ATRX: variants seen among roughly 807,000 people sequenced by gnomAD.
The protein encoded by ATRX is chromatin remodeler ATRX.
Under a neutral mutation model 172.6 loss-of-function variants are expected in ATRX, and 12 were observed. The observed-to-expected ratio is 0.07, with a 90% CI of 0.04 to 0.11. The LOEUF (loss-of-function observed/expected upper bound fraction) is 0.11, where lower values mean the gene tolerates loss of function less well. Among genes scored for constraint, ATRX ranks in the 10% least tolerant of loss-of-function variants. The pLI is 1.00. For missense variants in ATRX, 1,368 were observed against 1,767.4 expected, an observed-to-expected ratio of 0.77 and a Z score of 4.05; for synonymous variants, 674 against 594.7, an observed-to-expected ratio of 1.13 and a Z score of -1.94.
chrX:77,729,437 C>G (rs2074204167), intron 1 of ATRX, among the ~76,000 whole-genome samples: 1 of 112,071 alleles, frequency 8.9e-6, no homozygotes, highest in Non-Finnish European at 1.9e-5. Context: ...ACATAATACA[C>G]TCATTGCTTT....
chrX:77,698,869 A>G lies in ATRX; in HGVS notation c.134-240T>C, dbSNP rs1033185039. 1.9e-5 allele frequency: 8 copies of G among 417,662 alleles called. No individual in the cohort carries two copies. In the Admixed American group the frequency reaches 2.5e-4, roughly 13 times the overall value. 34.4% of individuals were successfully genotyped at this position (417,662 alleles called of 1,213,427 possible). A position where few individuals can be genotyped will look rare whatever the true frequency, so the allele number is the denominator to read the frequency against. ...GTAAAGATTACTTTGGTATAAAAAC[A>G]TTTCCTGTTGTAGTTTATAAATATT... On this transcript the variant is annotated intron_variant, in intron 2 of 34. Transcript: ENST00000373344.
At chrX:77,620,840 C>A (rs996939588) in intron 19 of ATRX, among the ~76,000 whole-genome samples, 1 of 111,515 alleles carries the variant, frequency 9.0e-6, no homozygotes, top group East Asian at 2.8e-4. Context: ...ACAGACATAG[C>A]CTATTTTTAA....
intron 30 of ATRX, among the ~76,000 whole-genome samples, chrX:77,547,447 CCTT>C (rs1435103494): frequency 9.0e-6 from 1 of 111,238 alleles, no homozygotes; most frequent in Non-Finnish European, 1.9e-5. Flanking sequence ...GTAAATGGCT[CCTT>C]AATAGTTTTT....
intron 30 of ATRX, among the ~76,000 whole-genome samples, chrX:77,531,428 C>T (rs1259876735): frequency 8.9e-6 from 1 of 111,947 alleles, no homozygotes; most frequent in African/African-American, 3.2e-5. Flanking sequence ...AAAGCTTATC[C>T]ACCATGATCA....
intron 9 of ATRX, among the ~76,000 whole-genome samples, chrX:77,677,533 C>T (rs1402974564): frequency 1.8e-5 from 2 of 111,354 alleles, no homozygotes; most frequent in African/African-American, 6.5e-5. Flanking sequence ...TACTTATACA[C>T]ACACAAATGA....
chrX:77,680,165 G>C (rs1557135995), intron 9 of ATRX, among the ~76,000 whole-genome samples: 1 of 111,520 alleles, frequency 9.0e-6, no homozygotes, highest in South Asian at 3.7e-4. Context: ...AAAATATATA[G>C]TAACTTCTCT....
chrX:77,630,933 TA>T (rs1557105356), intron 19 of ATRX, among the ~76,000 whole-genome samples: 1 of 111,533 alleles, frequency 9.0e-6, no homozygotes, highest in African/African-American at 3.3e-5. Flanking sequence ...TATAAAAAAG[TA>T]AAAAGACAAC....
intron 26 of ATRX, among the ~76,000 whole-genome samples, chrX:77,591,553 C>T (rs1038963239): frequency 5.4e-5 from 6 of 111,711 alleles, no homozygotes; most frequent in African/African-American, 2.0e-4. Context: ...AGCTATGAAA[C>T]GGCTGTTGGA....
intron 30 of ATRX, among the ~76,000 whole-genome samples, chrX:77,543,569 C>T (rs1379284521): frequency 9.8e-5 from 11 of 111,856 alleles, no homozygotes; most frequent in Non-Finnish European, 1.9e-4. Flanking sequence ...AAATGCCCAT[C>T]AATGACAGAC....
intron 7 of ATRX, 96 bp downstream of exon 7, chrX:77,688,722 A>T: frequency 7.0e-6 from 5 of 716,822 alleles, no homozygotes; most frequent in Non-Finnish European, 8.8e-6. Flanking sequence ...GGCAGATACC[A>T]TTTTCATCTT....
intron 19 of ATRX, among the ~76,000 whole-genome samples, chrX:77,624,919 G>C (rs1366262545): frequency 9.0e-6 from 1 of 111,485 alleles, no homozygotes; most frequent in African/African-American, 3.3e-5. Flanking sequence ...AACCAAAAAA[G>C]AGCCCGCATA....
At chrX:77,784,759 TAC>T (rs1401788992) in intron 1 of ATRX, among the ~76,000 whole-genome samples, 2 of 111,968 alleles carry the variant, frequency 1.8e-5, no homozygotes, top group Non-Finnish European at 3.8e-5. Context: ...CATGCAGAAA[TAC>T]AGACATACGT....
intron 11 of ATRX, 130 bp downstream of exon 11, chrX:77,664,515 T>A: frequency 1.1e-6 from 1 of 924,610 alleles, no homozygotes; most frequent in Non-Finnish European, 1.5e-6. Context: ...CCTCCCAAAG[T>A]CCTGAGATTA....
chrX:77,634,710 A>AT lies in ATRX; in HGVS notation c.4700-8dup. On this transcript the variant is annotated splice_polypyrimidine_tract_variant and splice_region_variant and intron_variant, in intron 16 of 34. Transcript: ENST00000373344. ...TCCCACATAAACTGAACACCTAAAA[A>AT]TAACAGCTTCATTAAGTTAAATTTA... The AT allele has an allele frequency of 8.4e-7, 1 of 1,192,368 alleles. No individual in the cohort carries two copies. Among genetic ancestry groups the AT allele is most frequent in the Non-Finnish European group, 1.1e-6 (1 of 877,751 alleles).
intron 22 of ATRX, among the ~76,000 whole-genome samples, chrX:77,609,262 T>C (rs1557092674): frequency 9.0e-6 from 1 of 111,516 alleles, no homozygotes; most frequent in African/African-American, 3.3e-5. Flanking sequence ...AAAATCAGTA[T>C]ATTGAAGAGA....
At chrX:77,572,602 C>T (rs1241028698) in intron 28 of ATRX, among the ~76,000 whole-genome samples, 1 of 111,375 alleles carries the variant, frequency 9.0e-6, no homozygotes, top group East Asian at 2.8e-4. Flanking sequence ...TTATATGCCT[C>T]TGTCGTATTT....
rs782556128 is a variant in ATRX at position 77,635,904 on chromosome X, T to C, written c.4699+11A>G. 1.7e-6 allele frequency: 2 copies of C among 1,194,336 alleles called. No individual in the cohort carries two copies. Among genetic ancestry groups the C allele is most frequent in the South Asian group, 3.6e-5 (2 of 55,630 alleles). On this transcript the variant is annotated intron_variant, in intron 16 of 34. Coordinates refer to ENST00000373344, the MANE Select transcript of ATRX (RefSeq NM_000489.6). ...AACTAAAAATTATTGAATCATCTAA[T>C]AGTTTCTTACCATCTACTTGATGGG...
At chrX:77,670,637 C>G (rs782407152) in intron 10 of ATRX, among the ~76,000 whole-genome samples, 7 of 109,032 alleles carry the variant, frequency 6.4e-5, no homozygotes, top group Non-Finnish European at 1.1e-4. Flanking sequence ...CACCTGTAGT[C>G]CCAGCTACTT....
rs184381504 is a variant in ATRX at position 77,586,737 on chromosome X, T to C, written c.6217+3097A>G. Among the ~76,000 whole-genome samples the C allele has an allele frequency of 1.1e-4, 12 of 111,913 alleles. No individual in the cohort carries two copies. In the East Asian group the frequency reaches 3.3e-3, roughly 31 times the overall value. The stretch of plus-strand genomic sequence containing the variant: ...TAAGCAAAAAAGTTTAAAACGCAGA[T>C]ATAAACTTATGTACAAAAATTTAAA... On this transcript the variant is annotated intron_variant, in intron 27 of 34. Coordinates refer to ENST00000373344, the MANE Select transcript of ATRX (RefSeq NM_000489.6).
Sources: allele counts gnomAD v4.1 joint callset (sites outside exome capture counted in the v4.1 genomes callset), GRCh38; gene constraint gnomAD v4.1.1; transcripts MANE v1.5; gene names NCBI Gene and HGNC (gene_info 2026-07-23, HGNC 2026-07-21).